HSD17B6: variants seen among roughly 807,000 people sequenced by gnomAD.
HSD17B6 encodes the protein 17-beta-hydroxysteroid dehydrogenase type 6.
HSD17B6 carries 16 observed loss-of-function variants against 26.4 expected under a neutral mutation model. The observed-to-expected ratio is 0.61, with a 90% CI of 0.41 to 0.92. The LOEUF is 0.92. HSD17B6 is among the 40% of genes least tolerant of loss of function. HSD17B6 has a pLI of 0.00. For synonymous variants in HSD17B6, 139 were observed against 153.0 expected (o/e 0.91, Z 0.68); for missense variants, 357 against 386.1 (o/e 0.92, Z 0.63).
chr12:56,763,498 T>C (rs1018133499), intron 1 of HSD17B6, 84 bp downstream of exon 1: 4 of 150,638 alleles, frequency 2.7e-5, no homozygotes, highest in Middle Eastern at 3.1e-3. Flanking sequence ...ATATGGGATA[T>C]GGTCTGTTTG....
intron 1 of HSD17B6, among the ~76,000 whole-genome samples, chr12:56,772,675 C>G (rs1339683159): frequency 2.2e-5 from 2 of 90,002 alleles, no homozygotes; most frequent in African/African-American, 8.6e-5. Context: ...CCAGCCTGGG[C>G]AAAAAGAGTG....
At chr12:56,767,706 T>A (rs984958972) in intron 1 of HSD17B6, among the ~76,000 whole-genome samples, 12 of 144,610 alleles carry the variant, frequency 8.3e-5, no homozygotes, top group Non-Finnish European at 1.3e-4. Context: ...ATATTATATA[T>A]ACACATATAT....
At chr12:56,778,876 C>T (rs1229872201) in intron 2 of HSD17B6, among the ~76,000 whole-genome samples, 2 of 151,312 alleles carry the variant, frequency 1.3e-5, no homozygotes, top group Non-Finnish European at 2.9e-5. Flanking sequence ...GGGGTTTCAC[C>T]GTGTTTGCCA....
rs1349561992 is a variant in HSD17B6, at chr12:56,782,044, G to C, written c.384G>C (p.Glu128Asp). ...PITLCEWLNT[E>D]DSMNMLKVNL... Reference sequence around the variant, plus strand: ...CCTTATGTGAGTGGCTGAACACTGAGGACTCTATGAATATGCTCAAAGTGA... The same window carrying C: ...CCTTATGTGAGTGGCTGAACACTGACGACTCTATGAATATGCTCAAAGTGA... The change falls in exon 3 of 5, where the codon GAG (glutamate) becomes GAC (aspartate). Residue 128 changes from glutamate (E) to aspartate (D), a missense_variant. By Grantham distance (45) the Glu-to-Asp change is conservative. Transcript: ENST00000322165. 5 of 1,614,168 alleles carry C rather than the reference G, an allele frequency of 3.1e-6. No homozygotes were observed. Among genetic ancestry groups the C allele is most frequent in the Non-Finnish European group, 4.2e-6 (5 of 1,180,040 alleles).
At chr12:56,785,917 T>C in intron 4 of HSD17B6, 1 of 983,258 alleles carries the variant, frequency 1.0e-6, no homozygotes, top group Non-Finnish European at 1.2e-6. Context: ...AGGAGCTTTG[T>C]GGGAGTGGGA....
chr12:56,780,485 G>A (rs1013642921), intron 2 of HSD17B6, among the ~76,000 whole-genome samples: 2 of 152,120 alleles, frequency 1.3e-5, no homozygotes, highest in Non-Finnish European at 2.9e-5. Context: ...TTCCTTATTT[G>A]AAGGTGTTTT....
intron 1 of HSD17B6, among the ~76,000 whole-genome samples, chr12:56,766,235 G>A (rs1035933452): frequency 5.9e-5 from 9 of 151,894 alleles, no homozygotes; most frequent in African/African-American, 1.7e-4. Flanking sequence ...GACTCAGCCC[G>A]CCTGCACCCA....
chr12:56,775,337 C>G (rs1954569003), intron 2 of HSD17B6, among the ~76,000 whole-genome samples: 1 of 152,148 alleles, frequency 6.6e-6, no homozygotes, highest in Admixed American at 6.6e-5. Flanking sequence ...CCTGCCTCAC[C>G]CTTTCAATTA....
chr12:56,781,904 C>T (rs1215599586), intron 2 of HSD17B6, 70 bp from the exon 3 acceptor site: 2 of 1,512,240 alleles, frequency 1.3e-6, no homozygotes, highest in African/African-American at 2.8e-5. Context: ...TGATTCTTTC[C>T]CCACCAAAGT....
intron 3 of HSD17B6, among the ~76,000 whole-genome samples, chr12:56,784,545 T>C (rs2371628): frequency 0.24 from 36,327 of 151,968 alleles, 4,641 homozygotes; most frequent in Middle Eastern, 0.32. Flanking sequence ...GGCATGGTGG[T>C]GCATGCCTGC....
intron 1 of HSD17B6, among the ~76,000 whole-genome samples, chr12:56,767,364 A>AG (rs1954353049): frequency 6.6e-6 from 1 of 151,348 alleles, no homozygotes; most frequent in Admixed American, 6.6e-5. Context: ...ATAAAAAAAA[A>AG]AAATTAGCCG....
In HSD17B6 at chr12:56,781,976, C is replaced by A; in HGVS notation, c.316C>A (p.Leu106Ile). 1 of 1,613,568 alleles carries A rather than the reference C, an allele frequency of 6.2e-7. No homozygotes were observed. The highest frequency in any genetic ancestry group is 8.5e-7 in the Non-Finnish European group (1 of 1,179,680). ...GATATGACTTTTAATTGTTTTAGGA[C>A]TCTGGGGACTGGTGAACAATGCAGG... ...WVKEHVGDRG[L>I]WGLVNNAGIL... The change falls in exon 3 of 5, where the codon CTC (leucine) becomes ATC (isoleucine). Residue 106 changes from leucine (L) to isoleucine (I), a missense_variant and splice_region_variant. By Grantham distance (5) the Leu-to-Ile change is conservative. Transcript: ENST00000322165.
intron 2 of HSD17B6, among the ~76,000 whole-genome samples, chr12:56,779,350 C>T (rs112979577): frequency 0.014 from 2,149 of 152,180 alleles, 52 homozygotes; most frequent in African/African-American, 0.049. Context: ...ATTGCCCAGG[C>T]TGGTCTCAAA....
intron 1 of HSD17B6, among the ~76,000 whole-genome samples, chr12:56,772,166 C>T (rs12366563): frequency 6.6e-6 from 1 of 152,188 alleles, no homozygotes; most frequent in African/African-American, 2.4e-5. Flanking sequence ...TAGGAAGCTT[C>T]TCAGACCTCT....
intron 3 of HSD17B6, among the ~76,000 whole-genome samples, chr12:56,783,502 C>A (rs1475564711): frequency 1.4e-5 from 2 of 145,962 alleles, no homozygotes; most frequent in African/African-American, 5.1e-5. Flanking sequence ...CTGAGCCCCC[C>A]ACCTCCCTCC....
At chr12:56,773,303 G>A (rs1363825223) in intron 1 of HSD17B6, among the ~76,000 whole-genome samples, 1 of 152,176 alleles carries the variant, frequency 6.6e-6, no homozygotes, top group Non-Finnish European at 1.5e-5. Context: ...ATGTCTTCTA[G>A]TAGCATACTC....
At chr12:56,771,150 T>G (rs1954462605) in intron 1 of HSD17B6, among the ~76,000 whole-genome samples, 1 of 152,130 alleles carries the variant, frequency 6.6e-6, no homozygotes, top group Non-Finnish European at 1.5e-5. Flanking sequence ...GGCTGAGACT[T>G]TCTTGGGGCT....
Position 56,787,255 on chromosome 12 carries a change from T to G in HSD17B6, c.867T>G (p.Phe289Leu). 1 of 1,614,136 alleles carries G rather than the reference T, an allele frequency of 6.2e-7. No homozygotes were observed. Among genetic ancestry groups the G allele is most frequent in the African/African-American group, 1.3e-5 (1 of 75,034 alleles). ...ATTCAGCTGGCTGGGATGCTAAATT[T>G]TTCTTCATCCCTCTATCTTATTTAC... Reference protein sequence around the residue: ...TRYSAGWDAKFFFIPLSYLPT... With the variant: ...TRYSAGWDAKLFFIPLSYLPT... Residue 289 changes from phenylalanine (F) to leucine (L), a missense_variant, in exon 5 of 5, where the codon TTT becomes TTG. Transcript: ENST00000322165.
Position 56,781,958 on chromosome 12 carries a change from C to T in HSD17B6, c.314-16C>T. On this transcript the variant is annotated splice_polypyrimidine_tract_variant and intron_variant, in intron 2 of 4. Transcript: ENST00000322165. Reference sequence around the variant, plus strand: ...GCCTGAAACCAAACTCCTGATATGACTTTTAATTGTTTTAGGACTCTGGGG... The same window carrying T: ...GCCTGAAACCAAACTCCTGATATGATTTTTAATTGTTTTAGGACTCTGGGG... 1.2e-6 allele frequency: 2 copies of T among 1,608,406 alleles called. No homozygotes were observed. Among genetic ancestry groups the T allele is most frequent in the Non-Finnish European group, 1.7e-6 (2 of 1,176,394 alleles).
Sources: gnomAD v4.1 joint callset for allele counts (sites outside exome capture counted in the v4.1 genomes callset) on GRCh38, gnomAD v4.1.1 for gene constraint, MANE v1.5 for transcripts, NCBI Gene and HGNC (gene_info 2026-07-23, HGNC 2026-07-21) for gene names.